Variants in PHTF2 observed in about 807,000 individuals in gnomAD.
PHTF2 encodes protein PHTF2.
In PHTF2, 60 loss-of-function variants were observed where a neutral mutation model predicts 101.2. That is an observed-to-expected ratio of 0.59 (90% CI 0.48 to 0.73). PHTF2 has a LOEUF of 0.73. Among genes scored for constraint, PHTF2 ranks in the 30% least tolerant of loss-of-function variants. PHTF2 has a pLI of 0.00. For missense variants in PHTF2, 747 were observed against 908.7 expected, an observed-to-expected ratio of 0.82 and a Z score of 2.29; for synonymous variants, 311 against 307.3, an observed-to-expected ratio of 1.01 and a Z score of -0.13.
intron 7 of PHTF2, 96 bp from the exon 7 acceptor site, chr7:77,908,697 T>C: frequency 1.3e-6 from 1 of 758,102 alleles, no homozygotes; most frequent in Non-Finnish European, 2.0e-6. Flanking sequence ...TTTAGAAAAA[T>C]ATTTTGGCAA....
chr7:77,901,623 A>T, intron 6 of PHTF2, 139 bp from the exon 6 acceptor site: 3 of 412,296 alleles, frequency 7.3e-6, no homozygotes, highest in Non-Finnish European at 1.3e-5. Context: ...AGTATCTATA[A>T]ATTGGACATT....
At chr7:77,854,728 T>G in intron 2 of PHTF2, 1 of 709,812 alleles carries the variant, frequency 1.4e-6, no homozygotes. Context: ...CCTTTGCTCA[T>G]GTAGGAGTTT....
At chr7:77,909,157 G>A (rs984293409) in intron 8 of PHTF2, 199 bp downstream of exon 7, 1 of 406,144 alleles carries the variant, frequency 2.5e-6, no homozygotes, top group Non-Finnish European at 4.3e-6. Context: ...CCACATGCCT[G>A]TGTTTTTGTT....
chr7:77,922,708 T>C, exon 11 of PHTF2: 2 of 1,609,780 alleles, frequency 1.2e-6, no homozygotes, highest in Non-Finnish European at 1.7e-6. Context: ...CGTCGTCATG[T>C]GGACAGGACT....
chr7:77,943,636 A>G (rs1475606667), intron 16 of PHTF2, among the ~76,000 whole-genome samples: 1 of 152,196 alleles, frequency 6.6e-6, no homozygotes, highest in South Asian at 2.1e-4. Context: ...ACGTATTAAA[A>G]TTTTAAAAAC....
At chr7:77,825,338 C>T (rs182411848) in intron 1 of PHTF2, among the ~76,000 whole-genome samples, 201 of 152,210 alleles carry the variant, frequency 1.3e-3, no homozygotes, top group African/African-American at 4.4e-3. Context: ...CAAAATATTG[C>T]GATATCTCAT....
At chr7:77,893,554 C>T in intron 3 of PHTF2, 54 bp from the exon 3 acceptor site, 1 of 724,570 alleles carries the variant, frequency 1.4e-6, no homozygotes, top group South Asian at 1.7e-5. Context: ...CAGAGTTATA[C>T]CTATTTGATG....
At chr7:77,866,438 A>T (rs1189183536) in intron 3 of PHTF2, among the ~76,000 whole-genome samples, 3 of 152,086 alleles carry the variant, frequency 2.0e-5, no homozygotes, top group African/African-American at 7.2e-5. Context: ...ATTTGACTTA[A>T]TTTTTTCCCC....
intron 16 of PHTF2, among the ~76,000 whole-genome samples, chr7:77,947,424 G>A (rs1471035049): frequency 2.0e-5 from 3 of 151,638 alleles, no homozygotes; most frequent in African/African-American, 7.3e-5. Context: ...TTAGCCCGTC[G>A]CGGTGGTCCA....
chr7:77,828,735 G>A (rs1465843889), intron 1 of PHTF2, among the ~76,000 whole-genome samples: 1 of 152,118 alleles, frequency 6.6e-6, no homozygotes, highest in Non-Finnish European at 1.5e-5. Flanking sequence ...GGGCGTGGTG[G>A]TGCGCACCTG....
At chr7:77,877,632 A>G (rs1421393750) in intron 3 of PHTF2, among the ~76,000 whole-genome samples, 1 of 152,230 alleles carries the variant, frequency 6.6e-6, no homozygotes, top group Non-Finnish European at 1.5e-5. Flanking sequence ...ATTGGTTTGC[A>G]TGCATTAACA....
intron 1 of PHTF2, among the ~76,000 whole-genome samples, chr7:77,816,452 A>C (rs1259956026): frequency 6.6e-6 from 1 of 152,168 alleles, no homozygotes; most frequent in Non-Finnish European, 1.5e-5. Context: ...GCTCAATTCA[A>C]TTACATTATT....
At chr7:77,850,706 A>G (rs11762677) in intron 2 of PHTF2, among the ~76,000 whole-genome samples, 23 of 151,098 alleles carry the variant, frequency 1.5e-4, no homozygotes, top group African/African-American at 5.1e-4. Context: ...CTTTGGGGGG[A>G]AAAAAACAAA....
chr7:77,938,052 G>A (rs1012034181), intron 13 of PHTF2: 2 of 227,180 alleles, frequency 8.8e-6, no homozygotes, highest in African/African-American at 4.6e-5. Flanking sequence ...ATCTGACCAA[G>A]AATAGATGAT....
chr7:77,899,217 A>T (rs939733721), intron 5 of PHTF2, among the ~76,000 whole-genome samples: 3 of 152,204 alleles, frequency 2.0e-5, no homozygotes, highest in African/African-American at 7.2e-5. Context: ...GAACAACAGG[A>T]TTGCCAACAA....
chr7:77,844,879 T>C (rs1001481325), intron 2 of PHTF2, among the ~76,000 whole-genome samples: 10 of 152,266 alleles, frequency 6.6e-5, no homozygotes, highest in African/African-American at 2.4e-4. Flanking sequence ...TCCTTTAATA[T>C]CCAATTTTAA....
chr7:77,914,998 G>C (rs551596501), intron 9 of PHTF2, among the ~76,000 whole-genome samples: 1 of 151,780 alleles, frequency 6.6e-6, no homozygotes, highest in African/African-American at 2.4e-5. Context: ...TGCAACCTCC[G>C]CCTCCCGGGT....
At position 77,858,584 on chromosome 7, in the gene PHTF2, T is replaced by G. The variant is rs190490453; in HGVS notation, c.147+3750T>G. On this transcript the variant is annotated intron_variant, in intron 3 of 19. Transcript: ENST00000416283. ...TAACTCATTTGTTTAATTTGAGAGG[T>G]TTTTTTTGTTTGTTTGTTTGTTTTT... 1.4e-3 allele frequency among the ~76,000 whole-genome samples: 209 copies of G among 151,828 alleles called. 3 individuals carry two copies. The highest frequency in any genetic ancestry group is 6.8e-3 in the Middle Eastern group (2 of 292).
intron 12 of PHTF2, among the ~76,000 whole-genome samples, chr7:77,933,440 A>G (rs1231589375): frequency 2.0e-5 from 3 of 152,146 alleles, no homozygotes; most frequent in African/African-American, 4.8e-5. Context: ...GCTTTGAGAG[A>G]CCAGGTAAGA....
Sources: allele counts gnomAD v4.1 joint callset (sites outside exome capture counted in the v4.1 genomes callset), GRCh38; gene constraint gnomAD v4.1.1; transcripts MANE v1.5; gene names NCBI Gene and HGNC (gene_info 2026-07-23, HGNC 2026-07-21).